The following TRAPPC9 variants were observed in gnomAD, a reference collection of about 807,000 sequenced individuals.
The protein encoded by TRAPPC9 is trafficking protein particle complex subunit 9.
Under a neutral mutation model 124.0 loss-of-function variants are expected in TRAPPC9, and 83 were observed. That is an observed-to-expected ratio of 0.67 (90% confidence interval 0.56 to 0.80). The LOEUF (loss-of-function observed/expected upper bound fraction) is 0.80, where lower values mean the gene tolerates loss of function less well. Ranked by LOEUF, TRAPPC9 falls within the 30% of genes least tolerant of loss-of-function variation. The pLI is 0.00. For missense variants in TRAPPC9, 1,302 were observed against 1,508.3 expected (o/e 0.86, Z 2.27); for synonymous variants, 638 against 617.5 (o/e 1.03, Z -0.49).
At chr8:139,899,930 A>C (rs1322476885) in intron 20 of TRAPPC9, among the ~76,000 whole-genome samples, 1 of 152,130 alleles carries the variant, frequency 6.6e-6, no homozygotes, top group African/African-American at 2.4e-5. Flanking sequence ...TAATTTCCAA[A>C]GGCAGGGAGC....
At chr8:140,307,689 G>A (rs936343646) in intron 10 of TRAPPC9, among the ~76,000 whole-genome samples, 2 of 152,140 alleles carry the variant, frequency 1.3e-5, no homozygotes, top group African/African-American at 4.8e-5. Flanking sequence ...ATTAGAGATG[G>A]CCATGAGACA....
In TRAPPC9 at chr8:139,857,623, A is replaced by G. The variant is rs568005503; in HGVS notation, c.3055+28256T>C. Among the ~76,000 whole-genome samples, 11 of 152,314 alleles carry G rather than the reference A, an allele frequency of 7.2e-5. No individual in the cohort carries two copies. In the East Asian group the frequency reaches 1.5e-3, roughly 21 times the overall value. On this transcript the variant is annotated intron_variant, in intron 21 of 22. Transcript: ENST00000438773. ...GCCGGAGCAGCCACAGGAGCTCCGT[A>G]TGGTGCCCTCTGAGAGTCAGGAGCT...
chr8:139,771,022 C>G (rs989212246), intron 21 of TRAPPC9, among the ~76,000 whole-genome samples: 2 of 152,098 alleles, frequency 1.3e-5, no homozygotes, highest in African/African-American at 2.4e-5. Flanking sequence ...GAAAGTGTAC[C>G]CCCAGGGACG....
intron 21 of TRAPPC9, among the ~76,000 whole-genome samples, chr8:139,809,909 C>T (rs1824323374): frequency 1.3e-5 from 2 of 152,184 alleles, no homozygotes; most frequent in Non-Finnish European, 2.9e-5. Flanking sequence ...CCTCCCGCCA[C>T]CCCAGACCCT....
intron 21 of TRAPPC9, among the ~76,000 whole-genome samples, chr8:139,748,340 T>C (rs960072144): frequency 2.1e-5 from 2 of 95,534 alleles, no homozygotes; most frequent in Non-Finnish European, 3.8e-5. Context: ...TCAGAGAAGA[T>C]GCAGGGGGTA....
chr8:140,379,354 T>C (rs1036500393), intron 7 of TRAPPC9, among the ~76,000 whole-genome samples: 9 of 152,232 alleles, frequency 5.9e-5, no homozygotes, highest in African/African-American at 2.2e-4. Flanking sequence ...CTTATTTATG[T>C]GCGACCGTGG....
chr8:140,105,956 C>A (rs767414945), intron 17 of TRAPPC9, among the ~76,000 whole-genome samples: 4 of 149,440 alleles, frequency 2.7e-5, no homozygotes, highest in African/African-American at 9.9e-5. Flanking sequence ...GCAGAAAGGA[C>A]GAGAACGAGC....
At chr8:139,895,031 A>G (rs1188316184) in intron 20 of TRAPPC9, among the ~76,000 whole-genome samples, 1 of 152,206 alleles carries the variant, frequency 6.6e-6, no homozygotes, top group East Asian at 1.9e-4. Context: ...TACTCAGGGA[A>G]AGAACCAGAA....
intron 9 of TRAPPC9, among the ~76,000 whole-genome samples, chr8:140,352,508 C>T (rs1413414072): frequency 6.6e-6 from 1 of 152,186 alleles, no homozygotes; most frequent in African/African-American, 2.4e-5. Context: ...TCTTGATCCA[C>T]ACTTTCAAGG....
chr8:139,839,837 G>A (rs1006794168), intron 21 of TRAPPC9, among the ~76,000 whole-genome samples: 3 of 152,138 alleles, frequency 2.0e-5, no homozygotes, highest in African/African-American at 7.2e-5. Context: ...GTGCCAGCCG[G>A]TGCCAGGCAC....
chr8:140,348,187 G>A (rs1279655439), intron 9 of TRAPPC9, among the ~76,000 whole-genome samples: 1 of 152,222 alleles, frequency 6.6e-6, no homozygotes, highest in Non-Finnish European at 1.5e-5. Flanking sequence ...GGGTGACTGT[G>A]GGCAGACCAC....
At chr8:140,172,460 G>T (rs1020604764) in intron 17 of TRAPPC9, among the ~76,000 whole-genome samples, 1 of 70,428 alleles carries the variant, frequency 1.4e-5, no homozygotes, top group African/African-American at 5.7e-5. Context: ...ATGGAGGGGG[G>T]TTAAACTACC....
At chr8:140,378,991 G>C (rs936529896) in intron 7 of TRAPPC9, among the ~76,000 whole-genome samples, 3 of 152,112 alleles carry the variant, frequency 2.0e-5, no homozygotes, top group Non-Finnish European at 4.4e-5. Flanking sequence ...TAAGGAACTT[G>C]TGCTGAGAGT....
At chr8:140,055,682 A>T (rs1842251916) in intron 17 of TRAPPC9, among the ~76,000 whole-genome samples, 1 of 152,222 alleles carries the variant, frequency 6.6e-6, no homozygotes, top group Non-Finnish European at 1.5e-5. Flanking sequence ...CAACATACAA[A>T]CATTAGTTAC....
At chr8:140,028,655 T>A (rs1563701940) in intron 17 of TRAPPC9, among the ~76,000 whole-genome samples, 1 of 152,266 alleles carries the variant, frequency 6.6e-6, no homozygotes, top group Non-Finnish European at 1.5e-5. Flanking sequence ...CTGTCTACTA[T>A]GTCCCAGGGA....
intron 21 of TRAPPC9, among the ~76,000 whole-genome samples, chr8:139,738,550 G>A (rs1416475058): frequency 6.6e-6 from 1 of 152,242 alleles, no homozygotes; most frequent in Non-Finnish European, 1.5e-5. Flanking sequence ...ATGAAGACGG[G>A]GGAAGGCGCA....
chr8:139,966,058 C>T lies in TRAPPC9; in HGVS notation c.2810+22668G>A, dbSNP rs973506031. On this transcript the variant is annotated intron_variant, in intron 19 of 22. Coordinates refer to ENST00000438773, the MANE Select transcript of TRAPPC9 (RefSeq NM_001160372.4). ...CTACGACTACTACTTTCACATAGGA[C>T]GTTTCTATGAAGTTGTGAAGAGTTC... 5.3e-5 allele frequency among the ~76,000 whole-genome samples: 8 copies of T among 152,328 alleles called. No homozygotes were observed. The South Asian group carries it at 1.2e-3, about 24-fold the overall frequency.
At chr8:140,343,477 C>A (rs996895985) in intron 9 of TRAPPC9, among the ~76,000 whole-genome samples, 2 of 152,234 alleles carry the variant, frequency 1.3e-5, no homozygotes, top group Non-Finnish European at 2.9e-5. Context: ...ATACTGCCAC[C>A]CACAGAGGCA....
chr8:139,747,667 G>C (rs1190160348), intron 21 of TRAPPC9, among the ~76,000 whole-genome samples: 3 of 45,740 alleles, frequency 6.6e-5, no homozygotes, highest in Non-Finnish European at 4.1e-5. Flanking sequence ...CAGCAGGTTG[G>C]GGGGGCATAC....
Sources: allele counts gnomAD v4.1 joint callset (sites outside exome capture counted in the v4.1 genomes callset), GRCh38; gene constraint gnomAD v4.1.1; transcripts MANE v1.5; gene names NCBI Gene and HGNC (gene_info 2026-07-23, HGNC 2026-07-21).